Variants in GDAP2 observed in about 807,000 individuals in gnomAD.
GDAP2 encodes ganglioside-induced differentiation-associated protein 2.
In GDAP2, 51 loss-of-function variants were observed where a neutral mutation model predicts 67.0. That is an observed-to-expected ratio of 0.76 (90% CI 0.61 to 0.96). GDAP2 has a LOEUF of 0.96. Ranked by LOEUF, GDAP2 falls within the 40% of genes least tolerant of loss-of-function variation. GDAP2 has a pLI of 0.00. For missense variants in GDAP2, 547 were observed against 588.3 expected (o/e 0.93, Z 0.73); for synonymous variants, 203 against 207.3 (o/e 0.98, Z 0.18).
At chr1:117,876,592 G>C (rs184718957) in intron 13 of GDAP2, among the ~76,000 whole-genome samples, 1 of 152,128 alleles carries the variant, frequency 6.6e-6, no homozygotes, top group Non-Finnish European at 1.5e-5. Context: ...AATGAGCCAA[G>C]TGTTAGATTA....
At chr1:117,921,181 T>A (rs1161965981) in intron 1 of GDAP2, among the ~76,000 whole-genome samples, 1 of 152,110 alleles carries the variant, frequency 6.6e-6, no homozygotes, top group East Asian at 1.9e-4. Context: ...ATTCATCGAA[T>A]AAATCTTTGT....
Position 117,867,113 on chromosome 1 carries a change from G to C in GDAP2, c.*3456C>G, listed in dbSNP as rs1433480078. 6.6e-6 allele frequency: 1 copy of C among 151,992 alleles called. No homozygotes were observed. Among genetic ancestry groups the C allele is most frequent in the Non-Finnish European group, 1.5e-5 (1 of 68,002 alleles). 9.4% of individuals were successfully genotyped at this position (151,992 alleles called of 1,614,324 possible). A position where few individuals can be genotyped will look rare whatever the true frequency, so the allele number is the denominator to read the frequency against. ...ATACAAAGAGTGATCTTTAGTTTAT[G>C]CTGAATACTTAATTTTATCACTTCT... is the stretch of plus-strand genomic sequence containing the variant. On this transcript the variant is annotated 3_prime_UTR_variant, in exon 14 of 14. Transcript: ENST00000369443.
At position 117,865,816 on chromosome 1, in the gene GDAP2, CAA is replaced by C; in HGVS notation, c.*4751_*4752del. The C allele has an allele frequency of 6.6e-6, 1 of 152,252 alleles. No individual in the cohort carries two copies. The highest frequency in any genetic ancestry group is 2.1e-4 in the South Asian group (1 of 4,822). The allele number at this position is 152,252 out of a possible 1,614,324, so 9.4% of individuals were successfully genotyped here. ...AAAAGTGTAAAAAATAACTAATATACAAGAGAGTCACTAATATCTAAAATGAT... is the reference window on the plus strand; with the variant it reads ...AAAAGTGTAAAAAATAACTAATATACGAGAGTCACTAATATCTAAAATGAT... On this transcript the variant is annotated 3_prime_UTR_variant, in exon 14 of 14. Coordinates refer to ENST00000369443, the MANE Select transcript of GDAP2 (RefSeq NM_017686.4).
In GDAP2 at chr1:117,867,527, G is replaced by GAAAAAAAAAAAAAAAAAAAA. The variant is rs745964438; in HGVS notation, c.*3022_*3041dup. ...AACATGGTGAAACCCTGTCTCTACT[G>GAAAAAAAAAAAAAAAAAAAA]AAAAAAAAAAAAAAAAAAAAAAAAA... On this transcript the variant is annotated 3_prime_UTR_variant, in exon 14 of 14. Coordinates refer to ENST00000369443, the MANE Select transcript of GDAP2 (RefSeq NM_017686.4). The GAAAAAAAAAAAAAAAAAAAA allele has an allele frequency of 1.2e-5, 1 of 80,048 alleles. No homozygotes were observed. Among genetic ancestry groups the GAAAAAAAAAAAAAAAAAAAA allele is most frequent in the Non-Finnish European group, 2.4e-5 (1 of 41,320 alleles). 5.0% of individuals were successfully genotyped at this position (80,048 alleles called of 1,614,324 possible). A position where few individuals can be genotyped will look rare whatever the true frequency, so the allele number is the denominator to read the frequency against.
intron 10 of GDAP2, among the ~76,000 whole-genome samples, chr1:117,886,083 C>T (rs1557797502): frequency 2.0e-5 from 3 of 152,232 alleles, no homozygotes; most frequent in East Asian, 1.9e-4. Context: ...CTACTAATCA[C>T]ATTGAATATT....
intron 6 of GDAP2, among the ~76,000 whole-genome samples, chr1:117,903,717 T>A (rs1318835394): frequency 6.6e-6 from 1 of 152,210 alleles, no homozygotes; most frequent in African/African-American, 2.4e-5. Flanking sequence ...GCTCTATAGT[T>A]TTCTGGCAGG....
At chr1:117,894,428 A>G (rs1003730920) in intron 8 of GDAP2, among the ~76,000 whole-genome samples, 1 of 152,228 alleles carries the variant, frequency 6.6e-6, no homozygotes, top group Admixed American at 6.5e-5. Context: ...ATGGGTAAAA[A>G]CAGCTGGTAA....
intron 1 of GDAP2, among the ~76,000 whole-genome samples, chr1:117,927,094 C>A (rs963735612): frequency 3.9e-5 from 6 of 151,950 alleles, no homozygotes; most frequent in Non-Finnish European, 8.8e-5. Flanking sequence ...TGAATCAAAT[C>A]TATTTCCATA....
chr1:117,864,290 C>A lies in GDAP2; in HGVS notation c.*6279G>T, dbSNP rs1053886617. 2.6e-5 allele frequency: 4 copies of A among 152,200 alleles called. No homozygotes were observed. The East Asian group carries it at 7.7e-4, about 29-fold the overall frequency. 9.4% of individuals were successfully genotyped at this position (152,200 alleles called of 1,614,324 possible). On this transcript the variant is annotated 3_prime_UTR_variant, in exon 14 of 14. Coordinates refer to ENST00000369443, the MANE Select transcript of GDAP2 (RefSeq NM_017686.4). ...ACTTCCCTGTTAAGGCCCAGTTCTA[C>A]ATTAGTGGTGGAAGGCTTATGGAGA...
chr1:117,872,011 T>C (rs932002333), intron 13 of GDAP2, among the ~76,000 whole-genome samples: 4 of 151,724 alleles, frequency 2.6e-5, no homozygotes, highest in African/African-American at 9.7e-5. Flanking sequence ...AACAATCCCA[T>C]TAAAAAGCAG....
chr1:117,921,659 G>C (rs1336449607), intron 1 of GDAP2, among the ~76,000 whole-genome samples: 1 of 152,196 alleles, frequency 6.6e-6, no homozygotes, highest in Admixed American at 6.5e-5. Context: ...GATACTGTTT[G>C]TAAACTATGG....
Position 117,896,822 on chromosome 1 carries a change from G to T in GDAP2, c.953+11C>A. On this transcript the variant is annotated intron_variant, in intron 8 of 13. Coordinates refer to ENST00000369443, the MANE Select transcript of GDAP2 (RefSeq NM_017686.4). ...CCTTATGTATCTAACAGTCCTGAAG[G>T]GTTGTCTTACTTTCTTTGATGCTGC... 1.2e-6 allele frequency: 2 copies of T among 1,600,988 alleles called. No individual in the cohort carries two copies. The highest frequency in any genetic ancestry group is 1.7e-6 in the Non-Finnish European group (2 of 1,172,166).
At chr1:117,895,836 TC>T (rs1649243659) in intron 8 of GDAP2, among the ~76,000 whole-genome samples, 1 of 152,188 alleles carries the variant, frequency 6.6e-6, no homozygotes, top group Non-Finnish European at 1.5e-5. Flanking sequence ...TCCCACTTTA[TC>T]AGTGGAGACA....
intron 13 of GDAP2, among the ~76,000 whole-genome samples, chr1:117,873,303 A>G (rs1648349225): frequency 6.6e-6 from 1 of 152,140 alleles, no homozygotes; most frequent in South Asian, 2.1e-4. Context: ...GATAGGTTAA[A>G]AAATAGCTTC....
At chr1:117,886,683 G>A in intron 9 of GDAP2, 30 bp from the exon 10 acceptor site, 1 of 1,121,678 alleles carries the variant, frequency 8.9e-7, no homozygotes, top group Non-Finnish European at 1.4e-6. Flanking sequence ...TCAGCACCCA[G>A]AAACTTCATT....
intron 8 of GDAP2, 73 bp from the exon 9 acceptor site, chr1:117,887,847 A>G (rs961882680): frequency 1.1e-6 from 1 of 870,972 alleles, no homozygotes; most frequent in East Asian, 2.4e-5. Context: ...CCAATTTTTA[A>G]TACCCTTCCC....
chr1:117,889,694 G>A (rs1485332046), intron 8 of GDAP2, among the ~76,000 whole-genome samples: 7 of 151,946 alleles, frequency 4.6e-5, no homozygotes, highest in Non-Finnish European at 7.4e-5. Context: ...ATATAAAAAC[G>A]TAAATTATGA....
Position 117,908,058 on chromosome 1 carries a change from G to C in GDAP2, c.560-1476C>G, listed in dbSNP as rs116484706. On this transcript the variant is annotated intron_variant, in intron 5 of 13. Transcript: ENST00000369443. Reference sequence around the variant, plus strand: ...CTTTTATGATGCCCTGCCTCTGCTTGCATGTGCCTACCTTTGACTAGAGTA... The same window carrying C: ...CTTTTATGATGCCCTGCCTCTGCTTCCATGTGCCTACCTTTGACTAGAGTA... 8.8e-3 allele frequency among the ~76,000 whole-genome samples: 1,329 copies of C among 151,832 alleles called. 6 individuals carry two copies. The highest frequency in any genetic ancestry group is 0.014 in the Non-Finnish European group (933 of 67,954).
chr1:117,873,013 T>C (rs971008236), intron 13 of GDAP2, among the ~76,000 whole-genome samples: 15 of 152,200 alleles, frequency 9.9e-5, no homozygotes, highest in Non-Finnish European at 5.9e-5. Flanking sequence ...AGGAGTTCTC[T>C]ATTCTATTAC....
Sources: allele counts gnomAD v4.1 joint callset (sites outside exome capture counted in the v4.1 genomes callset), GRCh38; gene constraint gnomAD v4.1.1; transcripts MANE v1.5; gene names NCBI Gene and HGNC (gene_info 2026-07-23, HGNC 2026-07-21).